The following PCDHA8 variants were observed in gnomAD, a reference collection of about 807,000 sequenced individuals.
PCDHA8 encodes the protein protocadherin alpha-8.
In PCDHA8, 53 loss-of-function variants were observed where a neutral mutation model predicts 61.8. The ratio of observed to expected loss-of-function variants is 0.86; its 90% CI spans 0.69 to 1.08. PCDHA8 has a LOEUF of 1.08. PCDHA8 is among the 50% of genes least tolerant of loss of function. The pLI, the probability that PCDHA8 is intolerant of heterozygous loss-of-function variation, is 0.00. For synonymous variants in PCDHA8, 618 were observed against 556.6 expected (o/e 1.11, Z -1.55); for missense variants, 1,293 against 1,245.0 (o/e 1.04, Z -0.58).
chr5:140,921,203 G>A (rs782776779), intron 1 of PCDHA8, among the ~76,000 whole-genome samples: 22 of 151,476 alleles, frequency 1.5e-4, no homozygotes, highest in Non-Finnish European at 2.7e-4. Context: ...GATTGACAAC[G>A]ATAATTCACG....
intron 1 of PCDHA8, among the ~76,000 whole-genome samples, chr5:140,950,215 T>C (rs2094460409): frequency 6.6e-6 from 1 of 152,030 alleles, no homozygotes; most frequent in Non-Finnish European, 1.5e-5. Flanking sequence ...TACCTAGTCA[T>C]TTACCATTTC....
At chr5:140,914,583 A>C (rs1583912822) in intron 1 of PCDHA8, among the ~76,000 whole-genome samples, 1 of 151,992 alleles carries the variant, frequency 6.6e-6, no homozygotes, top group East Asian at 1.9e-4. Flanking sequence ...CAATAATTTC[A>C]TTTAAGTAGG....
At position 140,842,695 on chromosome 5, in the gene PCDHA8, C is replaced by A. The variant is rs1554139285; in HGVS notation, c.1374C>A (p.Pro458=). Reference sequence around the variant, plus strand: ...ACAATGCTCCGGCGTTCGCGCAGCCCGAGTACACGGTGTTCGTGAAGGAGA... The same window carrying A: ...ACAATGCTCCGGCGTTCGCGCAGCCAGAGTACACGGTGTTCGTGAAGGAGA... The part of the protein sequence containing the change: ...VNDNAPAFAQ[P]EYTVFVKENN... Residue 458 remains proline (P), a synonymous_variant, in exon 1 of 4, where the codon CCC becomes CCA. Transcript: ENST00000531613. 1 of 1,595,194 alleles carries A rather than the reference C, an allele frequency of 6.3e-7. No individual in the cohort carries two copies.
Position 140,856,487 on chromosome 5 carries a change from C to G in PCDHA8, c.2394+12772C>G, listed in dbSNP as rs1171656977. Reference sequence around the variant, plus strand: ...GCTCTCAATACCTGAATCCAGACTGCTTGACTCTCGATTTCCACTAGAAGG... The same window carrying G: ...GCTCTCAATACCTGAATCCAGACTGGTTGACTCTCGATTTCCACTAGAAGG... On this transcript the variant is annotated intron_variant, in intron 1 of 3. Coordinates refer to ENST00000531613, the MANE Select transcript of PCDHA8 (RefSeq NM_018911.3). 4 of 1,598,200 alleles carry G rather than the reference C, an allele frequency of 2.5e-6. No homozygotes were observed. The African/African-American group carries it at 5.4e-5, about 22-fold the overall frequency.
intron 1 of PCDHA8, among the ~76,000 whole-genome samples, chr5:140,896,268 A>T (rs2065469707): frequency 6.6e-6 from 1 of 152,150 alleles, no homozygotes; most frequent in African/African-American, 2.4e-5. Context: ...CAGTTATGGG[A>T]TTTGCTGGCT....
At chr5:140,869,729 A>G (rs1554163384) in intron 1 of PCDHA8, 3 of 1,613,398 alleles carry the variant, frequency 1.9e-6, no homozygotes, top group Admixed American at 3.3e-5. Flanking sequence ...CCGGAACTTA[A>G]TTTGCTGCTA....
In PCDHA8 at chr5:140,915,632, C is replaced by CTCTG. The variant is rs1161142039; in HGVS notation, c.2395-63314_2395-63313insGTCT. 3.9e-3 allele frequency among the ~76,000 whole-genome samples: 565 copies of CTCTG among 144,610 alleles called. 2 individuals are homozygous for CTCTG. Among genetic ancestry groups the CTCTG allele is most frequent in the African/African-American group, 0.016 (538 of 34,672 alleles). 94.9% of individuals were successfully genotyped at this position (144,610 alleles called of 152,430 possible). A position where few individuals can be genotyped will look rare whatever the true frequency, so the allele number is the denominator to read the frequency against. On this transcript the variant is annotated intron_variant, in intron 1 of 3. Coordinates refer to ENST00000531613, the MANE Select transcript of PCDHA8 (RefSeq NM_018911.3). ...TGTCAAACAGTCTCTTTCTGTCTCT[C>CTCTG]TCTCTCTCTCTCTCTCTCTCTCTCA...
At chr5:140,895,351 T>C (rs1367078085) in intron 1 of PCDHA8, among the ~76,000 whole-genome samples, 2 of 152,180 alleles carry the variant, frequency 1.3e-5, no homozygotes, top group Admixed American at 1.3e-4. Context: ...TGCTTTCCAG[T>C]GAGTACTTAT....
intron 3 of PCDHA8, among the ~76,000 whole-genome samples, chr5:140,982,966 G>A (rs1407279371): frequency 6.6e-6 from 1 of 151,986 alleles, no homozygotes; most frequent in African/African-American, 2.4e-5. Flanking sequence ...CCCACCCAAA[G>A]TAGTAAGGAA....
rs2150492739 is a variant in PCDHA8 at position 140,850,664 on chromosome 5, C to G, written c.2394+6949C>G. On this transcript the variant is annotated intron_variant, in intron 1 of 3. Coordinates refer to ENST00000531613, the MANE Select transcript of PCDHA8 (RefSeq NM_018911.3). Reference sequence around the variant, plus strand: ...TGCTGCTGTACACTGTGCTGCGGTGCTCGGCGATGCCCACCGAGGGCGAGT... The same window carrying G: ...TGCTGCTGTACACTGTGCTGCGGTGGTCGGCGATGCCCACCGAGGGCGAGT... 4.4e-6 allele frequency: 7 copies of G among 1,598,280 alleles called. No individual in the cohort carries two copies. In the African/African-American group the frequency reaches 9.4e-5, roughly 22 times the overall value.
chr5:140,888,355 T>C (rs1192266455), intron 1 of PCDHA8, among the ~76,000 whole-genome samples: 1 of 152,214 alleles, frequency 6.6e-6, no homozygotes, highest in Non-Finnish European at 1.5e-5. Context: ...GAATTGCTAC[T>C]GGCATCTAAT....
rs542536806 is a variant in PCDHA8, at chr5:140,896,054, G to T, written c.2394+52339G>T. Among the ~76,000 whole-genome samples the T allele has an allele frequency of 4.6e-5, 7 of 151,966 alleles. 1 individual carries two copies. In the East Asian group the frequency reaches 1.4e-3, roughly 30 times the overall value. On this transcript the variant is annotated intron_variant, in intron 1 of 3. Transcript: ENST00000531613. ...TCGAACTCCTGACCTCAGGTGATCC[G>T]CCTGCCTCGGCCTCCCAACATGCTG...
chr5:140,968,979 G>A (rs782482075), intron 1 of PCDHA8: 6 of 1,614,042 alleles, frequency 3.7e-6, no homozygotes, highest in South Asian at 3.3e-5. Context: ...ACTGCGTATG[G>A]CACTGCATGC....
At chr5:140,870,293 T>C in intron 1 of PCDHA8, 1 of 1,614,182 alleles carries the variant, frequency 6.2e-7, no homozygotes, top group Non-Finnish European at 8.5e-7. Context: ...TTCAAGCTGG[T>C]GTCCACCTTC....
chr5:140,888,583 G>C (rs2061886743), intron 1 of PCDHA8, among the ~76,000 whole-genome samples: 1 of 152,184 alleles, frequency 6.6e-6, no homozygotes, highest in African/African-American at 2.4e-5. Flanking sequence ...AGATTTGTTA[G>C]TACACATTCA....
intron 1 of PCDHA8, chr5:140,871,263 G>C: frequency 6.2e-7 from 1 of 1,614,010 alleles, no homozygotes; most frequent in Non-Finnish European, 8.5e-7. Context: ...ATACGGCGCT[G>C]TGGTGGTCGG....
chr5:141,006,029 G>A (rs539375544), intron 3 of PCDHA8, among the ~76,000 whole-genome samples: 12 of 151,322 alleles, frequency 7.9e-5, no homozygotes, highest in Non-Finnish European at 1.2e-4. Context: ...ATAATAGTAA[G>A]AGGGAGATTT....
At chr5:140,852,905 G>C in intron 1 of PCDHA8, 3 of 819,178 alleles carry the variant, frequency 3.7e-6, no homozygotes, top group Non-Finnish European at 4.5e-6. Flanking sequence ...TTGAGTCAGA[G>C]TCTCGCTCTG....
At chr5:140,934,365 A>T (rs2089794268) in intron 1 of PCDHA8, among the ~76,000 whole-genome samples, 1 of 151,884 alleles carries the variant, frequency 6.6e-6, no homozygotes, top group Non-Finnish European at 1.5e-5. Context: ...CACTGCTTTG[A>T]CTCCTTCTGT....
Sources: gnomAD v4.1 joint callset for allele counts (sites outside exome capture counted in the v4.1 genomes callset) on GRCh38, gnomAD v4.1.1 for gene constraint, MANE v1.5 for transcripts, NCBI Gene and HGNC (gene_info 2026-07-23, HGNC 2026-07-21) for gene names.